PLCZ1: variants seen among roughly 807,000 people sequenced by gnomAD.
The protein encoded by PLCZ1 is phospholipase C zeta 1, also known as 1-phosphatidylinositol 4,5-bisphosphate phosphodiesterase zeta-1.
In PLCZ1, 64 loss-of-function variants were observed where a neutral mutation model predicts 76.8. That is an observed-to-expected ratio of 0.83 (90% CI 0.68 to 1.03). The LOEUF (loss-of-function observed/expected upper bound fraction) is 1.03. Among genes scored for constraint, PLCZ1 ranks in the 50% least tolerant of loss-of-function variants. PLCZ1 has a pLI of 0.00. For missense variants in PLCZ1, 751 were observed against 713.7 expected, an observed-to-expected ratio of 1.05 and a Z score of -0.60; for synonymous variants, 248 against 230.8, an observed-to-expected ratio of 1.07 and a Z score of -0.68.
chr12:18,712,361 A>C (rs946199657), intron 6 of PLCZ1, among the ~76,000 whole-genome samples: 5 of 152,180 alleles, frequency 3.3e-5, no homozygotes, highest in Non-Finnish European at 7.4e-5. Context: ...AATCTGTAAT[A>C]AATTAAACAT....
At chr12:18,734,779 C>T (rs1181226198) in intron 3 of PLCZ1, among the ~76,000 whole-genome samples, 1 of 152,152 alleles carries the variant, frequency 6.6e-6, no homozygotes, top group Non-Finnish European at 1.5e-5. Context: ...TGACTAATTG[C>T]TTTGGCTAGG....
Position 18,693,543 on chromosome 12 carries a change from T to C in PLCZ1, c.1461+1367A>G, listed in dbSNP as rs1022148410. The stretch of plus-strand genomic sequence containing the variant: ...TTGAGAGTGGTTGGCTCTGAACTTA[T>C]TCAGAAGTACCTAGGTGATGGGCCC... On this transcript the variant is annotated intron_variant, in intron 12 of 14. Transcript: ENST00000266505. The C allele has an allele frequency of 2.5e-6, 4 of 1,610,774 alleles. No individual in the cohort carries two copies. The African/African-American group carries it at 4.0e-5, about 16-fold the overall frequency.
intron 12 of PLCZ1, chr12:18,693,839 CT>C: frequency 1.3e-6 from 2 of 1,531,092 alleles, no homozygotes; most frequent in Non-Finnish European, 1.8e-6. Flanking sequence ...TGAGTTCCCC[CT>C]GCCTGATGAA....
At chr12:18,722,893 A>T (rs943673794) in intron 4 of PLCZ1, among the ~76,000 whole-genome samples, 1 of 152,004 alleles carries the variant, frequency 6.6e-6, no homozygotes, top group African/African-American at 2.4e-5. Flanking sequence ...CATTTAGCAC[A>T]TTTAATTTTC....
At chr12:18,646,245 AT>A in the PLCZ1 span, among the ~76,000 whole-genome samples, 1 of 152,306 alleles carries the variant, frequency 6.6e-6, no homozygotes, top group Admixed American at 6.5e-5. Flanking sequence ...GTAATTTTGA[AT>A]AAATAAAAGT....
At chr12:18,710,240 T>C (rs572780619) in intron 6 of PLCZ1, among the ~76,000 whole-genome samples, 2 of 149,736 alleles carry the variant, frequency 1.3e-5, no homozygotes, top group African/African-American at 5.0e-5. Context: ...TGCAAGGCCT[T>C]TGAATTTTAA....
intron 3 of PLCZ1, among the ~76,000 whole-genome samples, chr12:18,733,118 T>C (rs1959144722): frequency 6.6e-6 from 1 of 152,172 alleles, no homozygotes; most frequent in South Asian, 2.1e-4. Context: ...GCCAACACTT[T>C]TCTGTTGTAC....
At chr12:18,693,642 C>G in intron 12 of PLCZ1, 1 of 1,562,154 alleles carries the variant, frequency 6.4e-7, no homozygotes, top group East Asian at 2.2e-5. Flanking sequence ...GAAATTGACG[C>G]CATTGGGACA....
At chr12:18,694,108 G>C in intron 12 of PLCZ1, 1 of 1,009,000 alleles carries the variant, frequency 9.9e-7, no homozygotes, top group Non-Finnish European at 1.5e-6. Flanking sequence ...AGTGAACTAC[G>C]GCTGCCATCA....
intron 10 of PLCZ1, among the ~76,000 whole-genome samples, chr12:18,698,160 C>T (rs897851096): frequency 7.2e-5 from 11 of 151,922 alleles, no homozygotes; most frequent in African/African-American, 2.7e-4. Context: ...GCAAGAAATA[C>T]ATTTTACAAT....
chr12:18,683,176 G>A, downstream of PLCZ1: 1 of 1,351,944 alleles, frequency 7.4e-7, no homozygotes, highest in Non-Finnish European at 1.1e-6. Flanking sequence ...AAAACATAAA[G>A]ACATTCATTT....
chr12:18,731,089 C>A lies in PLCZ1; in HGVS notation c.135+5132G>T, dbSNP rs556174074. ...GAGAAGTACAACTTTTCTTTTTTAACCTCCTCTTTGTGGTTTGTAAACTTG... is the reference window on the plus strand; with the variant it reads ...GAGAAGTACAACTTTTCTTTTTTAAACTCCTCTTTGTGGTTTGTAAACTTG... On this transcript the variant is annotated intron_variant, in intron 3 of 14. Coordinates refer to ENST00000266505, the MANE Select transcript of PLCZ1 (RefSeq NM_033123.4). The A allele has an allele frequency of 2.0e-5, 3 of 152,108 alleles. No individual in the cohort carries two copies. In the East Asian group the frequency reaches 5.8e-4, roughly 29 times the overall value. 9.4% of individuals were successfully genotyped at this position (152,108 alleles called of 1,614,324 possible).
the PLCZ1 span, among the ~76,000 whole-genome samples, chr12:18,665,414 A>G: frequency 6.6e-6 from 1 of 152,202 alleles, no homozygotes; most frequent in Admixed American, 6.5e-5. Context: ...ACAAGAAAAA[A>G]AAATTGAGAA....
chr12:18,673,547 C>T, the PLCZ1 span, among the ~76,000 whole-genome samples: 1 of 152,164 alleles, frequency 6.6e-6, no homozygotes. Context: ...TATCTCCCCA[C>T]AAAGAAAAGA....
intron 1 of PLCZ1, chr12:18,737,725 G>T: frequency 2.3e-6 from 1 of 426,160 alleles, no homozygotes; most frequent in South Asian, 2.5e-5. Flanking sequence ...AACTGCCATT[G>T]TATCTCCTTT....
the PLCZ1 span, among the ~76,000 whole-genome samples, chr12:18,672,020 C>G: frequency 6.6e-6 from 1 of 152,136 alleles, no homozygotes; most frequent in Non-Finnish European, 1.5e-5. Flanking sequence ...AGTCACCCAC[C>G]AAAGGCCCCA....
intron 5 of PLCZ1, among the ~76,000 whole-genome samples, chr12:18,716,919 G>A (rs1304995421): frequency 1.3e-5 from 2 of 151,924 alleles, no homozygotes; most frequent in African/African-American, 4.8e-5. Flanking sequence ...TTTTCCTTTT[G>A]TAAATATGAG....
chr12:18,726,796 A>C (rs1012818055), intron 3 of PLCZ1, among the ~76,000 whole-genome samples: 3 of 152,186 alleles, frequency 2.0e-5, no homozygotes, highest in Admixed American at 2.0e-4. Context: ...ACTAAAAATA[A>C]AGCCTAAGTA....
chr12:18,685,573 C>T, intron 13 of PLCZ1: 1 of 493,354 alleles, frequency 2.0e-6, no homozygotes, highest in South Asian at 1.5e-5. Flanking sequence ...GCACATTTAC[C>T]ACATAGCAAT....
Sources: allele counts gnomAD v4.1 joint callset (sites outside exome capture counted in the v4.1 genomes callset), GRCh38; gene constraint gnomAD v4.1.1; transcripts MANE v1.5; gene names NCBI Gene and HGNC (gene_info 2026-07-23, HGNC 2026-07-21).